Variants in NCL observed in about 807,000 individuals in gnomAD.
NCL encodes the protein nucleolin multifunctional protein.
NCL carries 4 observed loss-of-function variants against 77.7 expected under a neutral mutation model. That is an observed-to-expected ratio of 0.05 (90% CI 0.03 to 0.12). The LOEUF (loss-of-function observed/expected upper bound fraction) is 0.12, where lower values mean the gene tolerates loss of function less well. NCL is among the 10% of genes least tolerant of loss of function. NCL has a pLI of 1.00. For missense variants in NCL, 763 were observed against 860.9 expected, an observed-to-expected ratio of 0.89 and a Z score of 1.42; for synonymous variants, 344 against 297.8, an observed-to-expected ratio of 1.16 and a Z score of -1.60.
In NCL at chr2:231,456,639, G is replaced by A. The variant is rs951004827; in HGVS notation, c.1697C>T (p.Ala566Val). 4 of 1,613,894 alleles carry A rather than the reference G, an allele frequency of 2.5e-6. No homozygotes were observed. The Admixed American group carries it at 5.0e-5, about 20-fold the overall frequency. The change falls in exon 11 of 14, where the codon GCC (alanine) becomes GTC (valine). Residue 566 changes from alanine (A) to valine (V), a missense_variant. Ala to Val is a moderately conservative substitution (Grantham distance 64, BLOSUM62 0). Around this residue, in one of 2 missense-constraint regions of NCL, gnomAD observed 173 missense variants for 290.4 expected, o/e 0.60. Transcript: ENST00000322723. ...TAACCAGGTGAACTTACGGCTTCTGGCATTAGGTGATCCCCTGGGTCCTTG... is the reference window on the plus strand; with the variant it reads ...TAACCAGGTGAACTTACGGCTTCTGACATTAGGTGATCCCCTGGGTCCTTG... ...ELQGPRGSPN[A>V]RSQPSKTLFV...
At position 231,453,896 on chromosome 2, in the gene NCL, A is replaced by C. The variant is rs1317170015; in HGVS notation, c.*1295T>G. ...TAGTTGGACTAGAACAGGTTTTTGG[A>C]CTTGGCTACCTACATTGATTTTGGG... On this transcript the variant is annotated 3_prime_UTR_variant, in exon 14 of 14. Transcript: ENST00000322723. 1 of 152,260 alleles carries C rather than the reference A, an allele frequency of 6.6e-6. No individual in the cohort carries two copies. The highest frequency in any genetic ancestry group is 1.5e-5 in the Non-Finnish European group (1 of 68,052). The allele number at this position is 152,260 out of a possible 1,614,324, so 9.4% of individuals were successfully genotyped here.
At position 231,458,379 on chromosome 2, in the gene NCL, C is replaced by T. The variant is rs965072722; in HGVS notation, c.1176G>A (p.Ala392=). ...GGAGATTTTTAGCCAAAAGTGTTCTCGCATCTCGCTCTAGATTAAAAAAAC... is the reference window on the plus strand; with the variant it reads ...GGAGATTTTTAGCCAAAAGTGTTCTTGCATCTCGCTCTAGATTAAAAAAAC... ...KGKDSKKERD[A]RTLLAKNLPY... is the part of the protein sequence containing the mutation. The change falls in exon 8 of 14, where the codon GCG becomes GCA. Residue 392 remains alanine (A), a synonymous_variant. Transcript: ENST00000322723. 3.0e-5 allele frequency: 48 copies of T among 1,613,334 alleles called. No homozygotes were observed. Among genetic ancestry groups the T allele is most frequent in the South Asian group, 6.6e-5 (6 of 90,934 alleles).
intron 8 of NCL, among the ~76,000 whole-genome samples, 186 bp from the exon 9 acceptor site, chr2:231,457,986 T>C (rs969209666): frequency 1.3e-5 from 2 of 152,218 alleles, no homozygotes; most frequent in African/African-American, 2.4e-5. Flanking sequence ...TGGAATTTTT[T>C]CATAGTAACC....
At chr2:231,456,356 G>A (rs1559540173) in intron 11 of NCL, 5 of 885,602 alleles carry the variant, frequency 5.6e-6, no homozygotes, top group Admixed American at 1.9e-5. Context: ...GATCTTCTAT[G>A]GAAAGTGGGA....
Position 231,464,341 on chromosome 2 carries a change from C to A in NCL, c.13G>T (p.Ala5Ser), listed in dbSNP as rs762057354. 7 of 1,599,544 alleles carry A rather than the reference C, an allele frequency of 4.4e-6. No homozygotes were observed. In the Admixed American group the frequency reaches 1.2e-4, roughly 27 times the overall value. Residue 5 changes from alanine to serine, a missense_variant, in exon 1 of 14, where the codon GCG (alanine) becomes TCG (serine). By Grantham distance (99) the Ala-to-Ser change is moderately conservative. Transcript: ENST00000322723. MVKL[A>S]KAGKNQGDPK... ...TCGCGCTCAAGGCCGTTTACCTTCG[C>A]GAGCTTCACCATGATGGCGGCGGAG...
intron 6 of NCL, among the ~76,000 whole-genome samples, chr2:231,459,798 T>C (rs1037176980): frequency 6.6e-6 from 1 of 151,326 alleles, no homozygotes; most frequent in African/African-American, 2.4e-5. Flanking sequence ...TCCCAGCTAC[T>C]TGGGAGGCTT....
chr2:231,458,784 G>A lies in NCL; in HGVS notation c.1165+217C>T, dbSNP rs142480588. On this transcript the variant is annotated intron_variant, in intron 7 of 13. Coordinates refer to ENST00000322723, the MANE Select transcript of NCL (RefSeq NM_005381.3). ...TCTTGTTCTGTATAAAAGTGCTCTTGCTTGCCTAACTCAGGAATTTACACT... is the reference window on the plus strand; with the variant it reads ...TCTTGTTCTGTATAAAAGTGCTCTTACTTGCCTAACTCAGGAATTTACACT... The A allele has an allele frequency of 7.6e-4, 366 of 479,870 alleles. 1 individual carries two copies. Among genetic ancestry groups the A allele is most frequent in the South Asian group, 1.8e-3 (40 of 22,366 alleles). The allele number at this position is 479,870 out of a possible 1,614,324, so 29.7% of individuals were successfully genotyped here. A position where few individuals can be genotyped will look rare whatever the true frequency, so the allele number is the denominator to read the frequency against.
intron 7 of NCL, 150 bp from the exon 8 acceptor site, chr2:231,458,539 A>G: frequency 2.0e-6 from 2 of 984,970 alleles, no homozygotes; most frequent in South Asian, 1.7e-5. Context: ...ATATGGAGAT[A>G]TAGCAGTGTC....
rs1411408902 is a variant in NCL at position 231,461,673 on chromosome 2, G to A, written c.480C>T (p.Asp160=). 1.9e-5 allele frequency: 30 copies of A among 1,611,430 alleles called. No individual in the cohort carries two copies. The East Asian group carries it at 2.7e-4, about 14-fold the overall frequency. Residue 160 remains aspartate (D), a synonymous_variant, in exon 3 of 14, where the codon GAC becomes GAT. Transcript: ENST00000322723. ...CATCTTCATCCTCATCCTCGTCCTC[G>A]TCATCCTCCTCATCCTCCTCACTGT... is the stretch of plus-strand genomic sequence containing the variant. The part of the protein sequence containing the change: ...DDDSEEDEED[D]EDEDEDEDEI...
intron 2 of NCL, 120 bp from the exon 3 acceptor site, chr2:231,462,137 C>A: frequency 2.4e-6 from 3 of 1,253,116 alleles, no homozygotes; most frequent in Non-Finnish European, 3.5e-6. Context: ...ATGCACTAGA[C>A]ACATTAGCAT....
Position 231,461,958 on chromosome 2 carries a change from G to C in NCL, c.195C>G (p.Val65=). 1 of 1,614,126 alleles carries C rather than the reference G, an allele frequency of 6.2e-7. No homozygotes were observed. The highest frequency in any genetic ancestry group is 1.6e-4 in the Middle Eastern group (1 of 6,062). ...KAAATSAKKV[V]VSPTKKVAVA... is the part of the protein sequence containing the mutation. ...CTGCAACCTTTTTTGTTGGGGAAAC[G>C]ACCACCTTCTTTGCTGAGGTTGCAG... The change falls in exon 3 of 14, where the codon GTC becomes GTG. Residue 65 remains valine, a synonymous_variant. Transcript: ENST00000322723.
At position 231,455,419 on chromosome 2, in the gene NCL, C is replaced by T; in HGVS notation, c.2038G>A (p.Gly680Ser). 1 of 1,614,118 alleles carries T rather than the reference C, an allele frequency of 6.2e-7. No individual in the cohort carries two copies. The highest frequency in any genetic ancestry group is 8.5e-7 in the Non-Finnish European group (1 of 1,180,018). ...GCCTTACCTCCAAAGCCTCCCCGGCCTCTGCCACCAAATCCTCCTCGGCCT... is the reference window on the plus strand; with the variant it reads ...GCCTTACCTCCAAAGCCTCCCCGGCTTCTGCCACCAAATCCTCCTCGGCCT... ...RGGRGGFGGR[G>S]RGGFGGRGGF... Residue 680 changes from glycine (G) to serine (S), a missense_variant, in exon 13 of 14, where the codon GGC becomes AGC. Physicochemically the swap from Gly to Ser is moderately conservative, Grantham distance 56 (BLOSUM62 0). Transcript: ENST00000322723.
chr2:231,457,917 G>T (rs2442321), intron 8 of NCL, 117 bp from the exon 9 acceptor site: 1 of 958,018 alleles, frequency 1.0e-6, no homozygotes, highest in Non-Finnish European at 1.4e-6. Flanking sequence ...TTAGTTTTAT[G>T]CCACTTTTCA....
At chr2:231,458,664 A>G (rs1382273586) in intron 7 of NCL, 1 of 477,672 alleles carries the variant, frequency 2.1e-6, no homozygotes, top group African/African-American at 2.0e-5. Flanking sequence ...GTACCAATTC[A>G]AAACATTACA....
Position 231,460,692 on chromosome 2 carries a change from T to C in NCL, c.788A>G (p.Glu263Gly). Residue 263 changes from glutamate to glycine, a missense_variant, in exon 4 of 14, where the codon GAG (glutamate) becomes GGG (glycine). By Grantham distance (98) the Glu-to-Gly change is moderately conservative. Transcript: ENST00000322723. ...DEDDDDEDDE[E>G]EEEEEEEEPV... ...ACCTTCCTCCTCCTCTTCTTCCTCCTCCTCATCATCTTCATCATCATCATC... is the reference window on the plus strand; with the variant it reads ...ACCTTCCTCCTCCTCTTCTTCCTCCCCCTCATCATCTTCATCATCATCATC... The C allele has an allele frequency of 6.2e-7, 1 of 1,611,972 alleles. No homozygotes were observed. Among genetic ancestry groups the C allele is most frequent in the Non-Finnish European group, 8.5e-7 (1 of 1,178,850 alleles).
Position 231,460,786 on chromosome 2 carries a change from C to T in NCL, c.694G>A (p.Val232Met), listed in dbSNP as rs576589005. 3.1e-6 allele frequency: 5 copies of T among 1,614,126 alleles called. No homozygotes were observed. The South Asian group carries it at 3.3e-5, about 11-fold the overall frequency. The change falls in exon 4 of 14, where the codon GTG (valine) becomes ATG (methionine). Residue 232 changes from valine (V) to methionine (M), a missense_variant. Coordinates refer to ENST00000322723, the MANE Select transcript of NCL (RefSeq NM_005381.3). ...TCTTCTTCATCTTCATCCTCAGCCACGTTCTTGGCTTTCACAGGAACAACT... is the reference window on the plus strand; with the variant it reads ...TCTTCTTCATCTTCATCCTCAGCCATGTTCTTGGCTTTCACAGGAACAACT... ...AKVVPVKAKN[V>M]AEDEDEEEDD...
chr2:231,455,078 G>C lies in NCL; in HGVS notation c.*113C>G. ...TAGACGGATTTCCAAGGAGACCACA[G>C]GACTGTATACTGTCTTGGAATGTCC... On this transcript the variant is annotated 3_prime_UTR_variant, in exon 14 of 14. Transcript: ENST00000322723. The C allele has an allele frequency of 1.7e-6, 2 of 1,172,284 alleles. No individual in the cohort carries two copies. The highest frequency in any genetic ancestry group is 1.3e-6 in the Non-Finnish European group (1 of 796,160). The allele number at this position is 1,172,284 out of a possible 1,614,324, so 72.6% of individuals were successfully genotyped here.
In NCL at chr2:231,455,223, TGTG is replaced by T. The variant is rs1189113378; in HGVS notation, c.2098_2100del (p.His700del). The T allele has an allele frequency of 2.5e-6, 4 of 1,614,110 alleles. No individual in the cohort carries two copies. The highest frequency in any genetic ancestry group is 3.4e-6 in the Non-Finnish European group (4 of 1,180,050). ...AACTTCGTCTTCTTTCCTTGTGGCT[TGTG>T]GTCACCTCCTCCTCCTCTGCCTCCT... On this transcript the variant is annotated inframe_deletion, in exon 14 of 14. Coordinates refer to ENST00000322723, the MANE Select transcript of NCL (RefSeq NM_005381.3).
In NCL at chr2:231,458,636, A is replaced by T. The variant is rs950645768; in HGVS notation, c.1166-247T>A. 5 of 512,560 alleles carry T rather than the reference A, an allele frequency of 9.8e-6. No homozygotes were observed. The East Asian group carries it at 1.4e-4, about 14-fold the overall frequency. 31.8% of individuals were successfully genotyped at this position (512,560 alleles called of 1,614,324 possible). A position where few individuals can be genotyped will look rare whatever the true frequency, so the allele number is the denominator to read the frequency against. On this transcript the variant is annotated intron_variant, in intron 7 of 13. Coordinates refer to ENST00000322723, the MANE Select transcript of NCL (RefSeq NM_005381.3). ...GGAGTTCAACCTAGAGTAGACGCGC[A>T]TAACAAAAAAAGTGAATGTACCAAT...
Sources: allele counts gnomAD v4.1 joint callset (sites outside exome capture counted in the v4.1 genomes callset), GRCh38; gene constraint gnomAD v4.1.1; regional missense constraint gnomAD v4.1.1; transcripts MANE v1.5; gene names NCBI Gene and HGNC (gene_info 2026-07-23, HGNC 2026-07-21).